GPC5: variants seen among roughly 807,000 people sequenced by gnomAD.
GPC5 encodes glypican 5.
A neutral mutation model predicts 53.9 loss-of-function variants in GPC5; 47 were observed. That is an observed-to-expected ratio of 0.87 (90% CI 0.69 to 1.11). GPC5 has a LOEUF of 1.11. Among genes scored for constraint, GPC5 ranks in the 50% most tolerant of loss-of-function variants. The pLI is 0.00. For missense variants in GPC5, 748 were observed against 713.1 expected (o/e 1.05, Z -0.56); for synonymous variants, 286 against 263.3 (o/e 1.09, Z -0.84).
chr13:92,383,353 T>C (rs2043765994), intron 7 of GPC5, among the ~76,000 whole-genome samples: 1 of 152,202 alleles, frequency 6.6e-6, no homozygotes, highest in African/African-American at 2.4e-5. Context: ...ATTTGAATAA[T>C]ATAGCCTTTC....
chr13:91,940,754 A>T (rs1444833176), intron 6 of GPC5, among the ~76,000 whole-genome samples: 2 of 151,768 alleles, frequency 1.3e-5, no homozygotes, highest in African/African-American at 4.9e-5. Context: ...AGTGATAATG[A>T]GCATTTTTTC....
At chr13:92,003,153 A>C (rs1360191050) in intron 6 of GPC5, among the ~76,000 whole-genome samples, 2 of 152,102 alleles carry the variant, frequency 1.3e-5, no homozygotes, top group African/African-American at 4.8e-5. Flanking sequence ...TCTACTAAAA[A>C]TACAAAAATT....
At chr13:91,498,663 G>A (rs1279702335) in intron 2 of GPC5, among the ~76,000 whole-genome samples, 1 of 152,096 alleles carries the variant, frequency 6.6e-6, no homozygotes, top group Non-Finnish European at 1.5e-5. Flanking sequence ...GAGGGTGGAA[G>A]GGAGTGAAAT....
intron 7 of GPC5, among the ~76,000 whole-genome samples, chr13:92,739,916 C>T (rs895950608): frequency 2.6e-5 from 4 of 151,802 alleles, no homozygotes; most frequent in African/African-American, 9.7e-5. Flanking sequence ...TTCATTTTTC[C>T]TTCCCTAATT....
At chr13:91,431,213 GC>G (rs1427574948) in intron 1 of GPC5, among the ~76,000 whole-genome samples, 1 of 151,986 alleles carries the variant, frequency 6.6e-6, no homozygotes, top group African/African-American at 2.4e-5. Flanking sequence ...TTATTTCTGG[GC>G]ACACAAAAGC....
chr13:92,539,799 A>G (rs183342398), intron 7 of GPC5, among the ~76,000 whole-genome samples: 13 of 152,084 alleles, frequency 8.5e-5, no homozygotes, highest in African/African-American at 2.6e-4. Context: ...CATGTCTTCT[A>G]TATCATTTTC....
intron 6 of GPC5, among the ~76,000 whole-genome samples, chr13:92,126,826 G>GTA (rs1277915710): frequency 2.0e-5 from 3 of 151,006 alleles, no homozygotes; most frequent in South Asian, 4.2e-4. Context: ...GAGTGTGTGT[G>GTA]TGTGTGTGTA....
chr13:92,349,009 C>T (rs985394221), intron 7 of GPC5, among the ~76,000 whole-genome samples: 1 of 151,746 alleles, frequency 6.6e-6, no homozygotes, highest in Non-Finnish European at 1.5e-5. Flanking sequence ...ATCAAGCAGC[C>T]AGAGAAAAAC....
chr13:92,029,939 C>A (rs1298856685), intron 6 of GPC5, among the ~76,000 whole-genome samples: 1 of 152,010 alleles, frequency 6.6e-6, no homozygotes, highest in Non-Finnish European at 1.5e-5. Flanking sequence ...CGTTCCTTAC[C>A]GAAGGAAACT....
chr13:92,081,032 T>A (rs529013144), intron 6 of GPC5, among the ~76,000 whole-genome samples: 34 of 152,352 alleles, frequency 2.2e-4, no homozygotes, highest in African/African-American at 7.9e-4. Context: ...TGTTTTTTCT[T>A]TACATAGAAC....
rs1055135559 is a variant in GPC5, at chr13:92,292,261, A to G, written c.1561+147272A>G. Among the ~76,000 whole-genome samples, 3 of 152,346 alleles carry G rather than the reference A, an allele frequency of 2.0e-5. No individual in the cohort carries two copies. The South Asian group carries it at 6.2e-4, about 32-fold the overall frequency. ...TTTTAGTTCTTTAAGGAATCTCCAC[A>G]CTGCTTCCCATAGCAATTGTACTAG... On this transcript the variant is annotated intron_variant, in intron 7 of 7. Coordinates refer to ENST00000377067, the MANE Select transcript of GPC5 (RefSeq NM_004466.6).
rs183933714 is a variant in GPC5, at chr13:92,141,086, G to A, written c.1402-3744G>A. 1.1e-4 allele frequency among the ~76,000 whole-genome samples: 17 copies of A among 152,280 alleles called. No homozygotes were observed. The South Asian group carries it at 1.2e-3, about 11-fold the overall frequency. On this transcript the variant is annotated intron_variant, in intron 6 of 7. Transcript: ENST00000377067. Reference sequence around the variant, plus strand: ...ACTTTTAAGAAGAAATCAGGATAGTGTAGTTAAAGAAAATTTGAATAAAGA... The same window carrying A: ...ACTTTTAAGAAGAAATCAGGATAGTATAGTTAAAGAAAATTTGAATAAAGA...
intron 7 of GPC5, among the ~76,000 whole-genome samples, chr13:92,769,528 A>G (rs1027871962): frequency 6.6e-6 from 1 of 152,088 alleles, no homozygotes; most frequent in Non-Finnish European, 1.5e-5. Context: ...GTCTGAGCCC[A>G]AGAGTTCGAG....
intron 7 of GPC5, among the ~76,000 whole-genome samples, chr13:92,246,577 T>G (rs1929185): frequency 0.56 from 85,583 of 151,826 alleles, 24,387 homozygotes; most frequent in South Asian, 0.65. Flanking sequence ...GTGGAAAAAC[T>G]CATCATCATT....
intron 1 of GPC5, among the ~76,000 whole-genome samples, chr13:91,410,491 A>G (rs143083442): frequency 0.015 from 2,187 of 148,252 alleles, 35 homozygotes; most frequent in South Asian, 0.046. Flanking sequence ...GACCACAGGC[A>G]CCCGCCACCA....
chr13:91,750,348 C>G (rs996774287), intron 4 of GPC5, among the ~76,000 whole-genome samples: 4 of 152,076 alleles, frequency 2.6e-5, no homozygotes, highest in African/African-American at 9.7e-5. Flanking sequence ...AGATGAAGCA[C>G]AAGATGAGCA....
intron 7 of GPC5, among the ~76,000 whole-genome samples, chr13:92,382,287 G>A (rs1335441953): frequency 6.6e-6 from 1 of 151,800 alleles, no homozygotes; most frequent in Non-Finnish European, 1.5e-5. Flanking sequence ...TCCGGTGATG[G>A]GTGCGCCAAA....
intron 7 of GPC5, among the ~76,000 whole-genome samples, chr13:92,465,286 G>A (rs747400539): frequency 5.9e-5 from 9 of 151,842 alleles, no homozygotes; most frequent in Non-Finnish European, 1.3e-4. Context: ...ATTTTATGCA[G>A]CTATCCAAAA....
At chr13:91,818,947 G>C (rs868221633) in intron 5 of GPC5, among the ~76,000 whole-genome samples, 12 of 151,978 alleles carry the variant, frequency 7.9e-5, no homozygotes, top group Middle Eastern at 3.4e-3. Context: ...ATGACACACA[G>C]TGTAAAACAT....
Sources: allele counts gnomAD v4.1 joint callset (sites outside exome capture counted in the v4.1 genomes callset), GRCh38; gene constraint gnomAD v4.1.1; transcripts MANE v1.5; gene names NCBI Gene and HGNC (gene_info 2026-07-23, HGNC 2026-07-21).